LRP6: variants seen among roughly 807,000 people sequenced by gnomAD.
LRP6 encodes the protein LDL receptor related protein 6.
LRP6 carries 43 observed loss-of-function variants against 184.1 expected under a neutral mutation model. The observed-to-expected ratio is 0.23, with a 90% CI of 0.18 to 0.30. The LOEUF is 0.30. Ranked by LOEUF, LRP6 falls within the 10% of genes least tolerant of loss-of-function variation. LRP6 has a pLI of 1.00. For missense variants in LRP6, 1,571 were observed against 2,005.3 expected (o/e 0.78, Z 4.14); for synonymous variants, 719 against 684.9 (o/e 1.05, Z -0.78).
chr12:12,135,127 G>A (rs1591871851), intron 17 of LRP6, 48 bp downstream of exon 17: 6 of 1,612,288 alleles, frequency 3.7e-6, no homozygotes, highest in Non-Finnish European at 5.1e-6. Context: ...TTAAGATATG[G>A]AATATGTTTG....
intron 6 of LRP6, 95 bp from the exon 7 acceptor site, chr12:12,180,076 TATC>T (rs1436438098): frequency 2.1e-6 from 2 of 967,712 alleles, no homozygotes; most frequent in Non-Finnish European, 3.2e-6. Context: ...ATTACACTGG[TATC>T]ATCAGTTAAT....
At position 12,179,312 on chromosome 12, in the gene LRP6, A is replaced by G. The variant is rs1032640109; in HGVS notation, c.1545+498T>C. On this transcript the variant is annotated intron_variant, in intron 7 of 22. Transcript: ENST00000261349. ...AAATTGTTTGCATGTAACCATCATA[A>G]TATTTAATATATTCTACCATCTGCC... 6.6e-5 allele frequency among the ~76,000 whole-genome samples: 10 copies of G among 152,172 alleles called. No homozygotes were observed. The East Asian group carries it at 1.9e-3, about 29-fold the overall frequency.
At chr12:12,141,771 C>T (rs1403553178) in intron 15 of LRP6, among the ~76,000 whole-genome samples, 5 of 152,142 alleles carry the variant, frequency 3.3e-5, no homozygotes, top group South Asian at 2.1e-4. Context: ...CAAGTATTAA[C>T]TCTGCAGGGA....
At position 12,261,534 on chromosome 12, in the gene LRP6, G is replaced by A. The variant is rs568145060; in HGVS notation, c.55+5147C>T. ...AATGAGCAAACCTGAAGCCAGGTAA[G>A]TAAACAGGAATGACAGTATCAAATT... On this transcript the variant is annotated intron_variant, in intron 1 of 22. Coordinates refer to ENST00000261349, the MANE Select transcript of LRP6 (RefSeq NM_002336.3). 2.0e-4 allele frequency among the ~76,000 whole-genome samples: 31 copies of A among 152,212 alleles called. No homozygotes were observed. In the South Asian group the frequency reaches 6.2e-3, roughly 31 times the overall value.
chr12:12,149,126 G>T lies in LRP6; in HGVS notation c.3022C>A (p.Pro1008Thr). ...GGTTGTATTTCCAGGTTCTGACTCG[G>T]AACTGAGCTCACAACCACAGTAAAG... is the stretch of plus-strand genomic sequence containing the variant. Reference protein sequence around the residue: ...QGFTVVVSSVPSQNLEIQPYD... With the variant: ...QGFTVVVSSVTSQNLEIQPYD... The change falls in exon 14 of 23, where the codon CCG (proline) becomes ACG (threonine). Residue 1008 changes from proline to threonine, a missense_variant. By Grantham distance (38) the Pro-to-Thr change is conservative (BLOSUM62 -1). Coordinates refer to ENST00000261349, the MANE Select transcript of LRP6 (RefSeq NM_002336.3). 6.2e-7 allele frequency: 1 copy of T among 1,613,838 alleles called. No individual in the cohort carries two copies. Among genetic ancestry groups the T allele is most frequent in the Non-Finnish European group, 8.5e-7 (1 of 1,179,944 alleles).
At chr12:12,200,052 C>A (rs1863875632) in intron 3 of LRP6, among the ~76,000 whole-genome samples, 1 of 146,552 alleles carries the variant, frequency 6.8e-6, no homozygotes, top group African/African-American at 2.5e-5. Context: ...ATTTGTACAT[C>A]AGTAGATGTG....
At chr12:12,196,042 G>A (rs547480526) in intron 3 of LRP6, among the ~76,000 whole-genome samples, 25 of 152,152 alleles carry the variant, frequency 1.6e-4, no homozygotes, top group Admixed American at 2.6e-4. Flanking sequence ...CTGTTCCATC[G>A]GTGTATGTTT....
rs973418677 is a variant in LRP6 at position 12,181,453 on chromosome 12, G to A, written c.977-14C>T. 60 of 1,036,648 alleles carry A rather than the reference G, an allele frequency of 5.8e-5. No individual in the cohort carries two copies. Among genetic ancestry groups the A allele is most frequent in the Non-Finnish European group, 8.8e-5 (58 of 658,476 alleles). The allele number at this position is 1,036,648 out of a possible 1,614,324, so 64.2% of individuals were successfully genotyped here. A position where few individuals can be genotyped will look rare whatever the true frequency, so the allele number is the denominator to read the frequency against. On this transcript the variant is annotated splice_polypyrimidine_tract_variant and intron_variant, in intron 5 of 22. Transcript: ENST00000261349. ...ATTCTGTGGCACCTAGAACAACAAA[G>A]TGAAATGAAGAATACTTTGAAACCC...
intron 15 of LRP6, among the ~76,000 whole-genome samples, chr12:12,145,318 T>A (rs1949988474): frequency 6.6e-6 from 1 of 151,092 alleles, no homozygotes; most frequent in South Asian, 2.1e-4. Flanking sequence ...CATTTGAACC[T>A]GAAGACATTA....
At position 12,171,709 on chromosome 12, in the gene LRP6, C is replaced by T. The variant is rs1333564135; in HGVS notation, c.1546-6414G>A. 2.0e-5 allele frequency among the ~76,000 whole-genome samples: 3 copies of T among 152,128 alleles called. No individual in the cohort carries two copies. In the East Asian group the frequency reaches 5.8e-4, roughly 29 times the overall value. ...CACACAGATAATGTATTTTCCTTCA[C>T]ACAAAGTCCAATTTCTGAAATGTTT... On this transcript the variant is annotated intron_variant, in intron 7 of 22. Coordinates refer to ENST00000261349, the MANE Select transcript of LRP6 (RefSeq NM_002336.3).
At position 12,159,568 on chromosome 12, in the gene LRP6, G is replaced by T. The variant is rs12309246; in HGVS notation, c.2464+212C>A. ...TAGGGAGTTATAAATTTCATTACAA[G>T]TCCAATAATAATGAAACTTTCACAT... On this transcript the variant is annotated intron_variant, in intron 11 of 22. Coordinates refer to ENST00000261349, the MANE Select transcript of LRP6 (RefSeq NM_002336.3). 0.077 allele frequency among the ~76,000 whole-genome samples: 11,711 copies of T among 152,094 alleles called. 516 individuals carry two copies. Among genetic ancestry groups the T allele is most frequent in the Admixed American group, 0.11 (1,655 of 15,270 alleles).
intron 5 of LRP6, among the ~76,000 whole-genome samples, chr12:12,183,200 G>A (rs908299478): frequency 6.6e-6 from 1 of 152,130 alleles, no homozygotes; most frequent in African/African-American, 2.4e-5. Context: ...CAAAACACAG[G>A]CTTCTGCTTT....
chr12:12,187,374 A>G, intron 3 of LRP6: 1 of 500,380 alleles, frequency 2.0e-6, no homozygotes, highest in Non-Finnish European at 3.6e-6. Context: ...GTTCAGTACA[A>G]GATACCCGGC....
rs752570703 is a variant in LRP6, at chr12:12,159,158, A to G, written c.2465-3T>C. On this transcript the variant is annotated splice_region_variant and splice_polypyrimidine_tract_variant and intron_variant, in intron 11 of 22. Coordinates refer to ENST00000261349, the MANE Select transcript of LRP6 (RefSeq NM_002336.3). ...TGCTATAACTTCACGGTTGAGCCCT[A>G]TTTTCAGAAAGGCAGTAGACAGGGG... 1 of 1,612,972 alleles carries G rather than the reference A, an allele frequency of 6.2e-7. No homozygotes were observed. The highest frequency in any genetic ancestry group is 2.2e-5 in the East Asian group (1 of 44,878).
At chr12:12,146,667 A>G (rs980427607) in intron 15 of LRP6, among the ~76,000 whole-genome samples, 2 of 152,212 alleles carry the variant, frequency 1.3e-5, no homozygotes, top group Non-Finnish European at 2.9e-5. Context: ...TTTTTCCTAC[A>G]GGTTATGAAA....
intron 7 of LRP6, among the ~76,000 whole-genome samples, chr12:12,177,071 C>A (rs2136980676): frequency 6.6e-6 from 1 of 151,972 alleles, no homozygotes; most frequent in South Asian, 2.1e-4. Flanking sequence ...TGGTCTCGAA[C>A]TCCTGACCTC....
chr12:12,202,308 C>T (rs1158136369), intron 3 of LRP6, among the ~76,000 whole-genome samples: 1 of 152,210 alleles, frequency 6.6e-6, no homozygotes, highest in Non-Finnish European at 1.5e-5. Flanking sequence ...TTTCGGAGGC[C>T]GAGGCCGGTG....
intron 3 of LRP6, among the ~76,000 whole-genome samples, chr12:12,191,358 A>G (rs1475449933): frequency 6.6e-6 from 1 of 152,178 alleles, no homozygotes; most frequent in African/African-American, 2.4e-5. Context: ...AAAAGCAGAA[A>G]AAGTAAAGTG....
At chr12:12,184,725 C>A (rs1256975874) in intron 4 of LRP6, among the ~76,000 whole-genome samples, 1 of 152,004 alleles carries the variant, frequency 6.6e-6, no homozygotes, top group African/African-American at 2.4e-5. Context: ...GTGAAGGACA[C>A]TGAAAGCCAA....
Sources: gnomAD v4.1 joint callset for allele counts (sites outside exome capture counted in the v4.1 genomes callset) on GRCh38, gnomAD v4.1.1 for gene constraint, MANE v1.5 for transcripts, NCBI Gene and HGNC (gene_info 2026-07-23, HGNC 2026-07-21) for gene names.